The following XYLT1 variants were observed in gnomAD, a reference collection of about 807,000 sequenced individuals.
XYLT1 encodes the protein xylosyltransferase 1, also known as beta-D-xylosyltransferase 1.
A neutral mutation model predicts 91.3 loss-of-function variants in XYLT1; 36 were observed. The observed-to-expected ratio is 0.39, with a 90% confidence interval of 0.30 to 0.52. The LOEUF is 0.52. XYLT1 is among the 20% of genes least tolerant of loss of function. The probability of loss-of-function intolerance (pLI) is 0.68; values close to 1 mark genes in which losing one functional copy is unlikely to be tolerated. For missense variants in XYLT1, 1,242 were observed against 1,284.5 expected (o/e 0.97, Z 0.51); for synonymous variants, 588 against 532.0 (o/e 1.11, Z -1.45).
chr16:17,278,517 C>T (rs2034011051), intron 2 of XYLT1, among the ~76,000 whole-genome samples: 1 of 152,148 alleles, frequency 6.6e-6, no homozygotes, highest in Non-Finnish European at 1.5e-5. Flanking sequence ...ACACTGTCTA[C>T]TAAATCAAAG....
rs182472621 is a variant in XYLT1, at chr16:17,300,958, G to A, written c.403-41460C>T. On this transcript the variant is annotated intron_variant, in intron 2 of 11. Coordinates refer to ENST00000261381, the MANE Select transcript of XYLT1 (RefSeq NM_022166.4). ...CCTTTCTCATTAGCTGTGCAACTCT[G>A]GGTATGTTACTTTACCTCTCTGGGC... is the stretch of plus-strand genomic sequence containing the variant. 4.6e-5 allele frequency among the ~76,000 whole-genome samples: 7 copies of A among 152,192 alleles called. No individual in the cohort carries two copies. In the East Asian group the frequency reaches 1.4e-3, roughly 29 times the overall value.
At chr16:17,349,310 A>C (rs938170739) in intron 2 of XYLT1, among the ~76,000 whole-genome samples, 1 of 152,232 alleles carries the variant, frequency 6.6e-6, no homozygotes, top group African/African-American at 2.4e-5. Context: ...AATAGATATC[A>C]AATCTCTATG....
At chr16:17,382,356 A>G (rs1332001526) in intron 1 of XYLT1, among the ~76,000 whole-genome samples, 1 of 151,872 alleles carries the variant, frequency 6.6e-6, no homozygotes, top group African/African-American at 2.4e-5. Context: ...GTGATGATAG[A>G]AACAGTCTCT....
At chr16:17,158,384 A>C (rs987737269) in intron 6 of XYLT1, among the ~76,000 whole-genome samples, 1 of 152,220 alleles carries the variant, frequency 6.6e-6, no homozygotes, top group Non-Finnish European at 1.5e-5. Context: ...CCTGAGAGGA[A>C]GGACTTGGTC....
intron 5 of XYLT1, among the ~76,000 whole-genome samples, chr16:17,182,812 T>A (rs886521302): frequency 1.3e-5 from 2 of 151,984 alleles, no homozygotes; most frequent in African/African-American, 4.8e-5. Flanking sequence ...GGTAGAGATA[T>A]GGAGAGTCTG....
At chr16:17,124,558 T>G (rs1319406309) in intron 10 of XYLT1, among the ~76,000 whole-genome samples, 1 of 152,234 alleles carries the variant, frequency 6.6e-6, no homozygotes, top group Non-Finnish European at 1.5e-5. Flanking sequence ...GTCTTGACTT[T>G]AGATAACTTG....
chr16:17,257,573 G>A (rs76652249), intron 3 of XYLT1, among the ~76,000 whole-genome samples: 2 of 152,156 alleles, frequency 1.3e-5, no homozygotes, highest in Non-Finnish European at 2.9e-5. Context: ...AGGGGCTAGC[G>A]GGAGGGAAGG....
At chr16:17,180,182 G>A (rs2032035704) in intron 5 of XYLT1, among the ~76,000 whole-genome samples, 1 of 152,206 alleles carries the variant, frequency 6.6e-6, no homozygotes, top group South Asian at 2.1e-4. Context: ...TGACAAAGCA[G>A]TGCCCCCTTG....
chr16:17,346,532 A>C (rs2035146120), intron 2 of XYLT1, among the ~76,000 whole-genome samples: 1 of 151,396 alleles, frequency 6.6e-6, no homozygotes, highest in Non-Finnish European at 1.5e-5. Context: ...TTCCAACCCC[A>C]CTCTTCCCCT....
chr16:17,401,886 C>T (rs1336516826), intron 1 of XYLT1, among the ~76,000 whole-genome samples: 1 of 151,988 alleles, frequency 6.6e-6, no homozygotes, highest in Non-Finnish European at 1.5e-5. Flanking sequence ...TTTAGAATAT[C>T]AACAAAAATC....
At chr16:17,235,937 G>A (rs1161550957) in intron 3 of XYLT1, among the ~76,000 whole-genome samples, 1 of 152,176 alleles carries the variant, frequency 6.6e-6, no homozygotes, top group African/African-American at 2.4e-5. Flanking sequence ...CCCAACTGCT[G>A]CTCATTGCAA....
chr16:17,454,173 C>A lies in XYLT1; in HGVS notation c.363+16261G>T, dbSNP rs2036704537. ...AATTAATTCCGCTCCTAGGTATATA[C>A]TCAACAGAAATGTTTGCATATGTTT... On this transcript the variant is annotated intron_variant, in intron 1 of 11. Coordinates refer to ENST00000261381, the MANE Select transcript of XYLT1 (RefSeq NM_022166.4). 2.6e-5 allele frequency among the ~76,000 whole-genome samples: 4 copies of A among 152,308 alleles called. 1 individual carries two copies. Among genetic ancestry groups the A allele is most frequent in the Middle Eastern group, 6.8e-3 (2 of 294 alleles).
At chr16:17,389,080 C>T (rs1032243987) in intron 1 of XYLT1, among the ~76,000 whole-genome samples, 10 of 152,188 alleles carry the variant, frequency 6.6e-5, no homozygotes, top group Non-Finnish European at 1.2e-4. Flanking sequence ...TTCTTTGCAG[C>T]GAGGCATTTT....
chr16:17,342,737 C>T (rs1385165028), intron 2 of XYLT1, among the ~76,000 whole-genome samples: 2 of 151,878 alleles, frequency 1.3e-5, no homozygotes, highest in Non-Finnish European at 1.5e-5. Context: ...AAAACACATG[C>T]GTTTCTCATT....
intron 2 of XYLT1, among the ~76,000 whole-genome samples, chr16:17,314,372 C>A (rs923578427): frequency 1.3e-5 from 2 of 152,144 alleles, no homozygotes; most frequent in African/African-American, 4.8e-5. Context: ...TCAGCCCACC[C>A]CGCTGCACGT....
chr16:17,216,908 A>G (rs534862608), intron 3 of XYLT1, among the ~76,000 whole-genome samples: 1 of 152,338 alleles, frequency 6.6e-6, no homozygotes, highest in Admixed American at 6.5e-5. Flanking sequence ...GGTTGATCAC[A>G]ACAGCAACGA....
At chr16:17,241,235 T>C (rs1003443219) in intron 3 of XYLT1, among the ~76,000 whole-genome samples, 2 of 152,228 alleles carry the variant, frequency 1.3e-5, no homozygotes, top group African/African-American at 4.8e-5. Flanking sequence ...CACCTAATGG[T>C]GCAGTTCCTG....
intron 3 of XYLT1, among the ~76,000 whole-genome samples, chr16:17,221,850 G>A (rs991999443): frequency 6.6e-6 from 1 of 152,036 alleles, no homozygotes; most frequent in Admixed American, 6.5e-5. Context: ...GGCAATGCTG[G>A]GCTCAACACA....
At chr16:17,463,392 A>AT in intron 1 of XYLT1, among the ~76,000 whole-genome samples, 1 of 152,348 alleles carries the variant, frequency 6.6e-6, no homozygotes, top group East Asian at 1.9e-4. Context: ...AAGTAGTCCA[A>AT]TTTTTTAAAC....
Sources: allele counts gnomAD v4.1 joint callset (sites outside exome capture counted in the v4.1 genomes callset), GRCh38; gene constraint gnomAD v4.1.1; transcripts MANE v1.5; gene names NCBI Gene and HGNC (gene_info 2026-07-23, HGNC 2026-07-21).